The following LRP2 variants were observed in gnomAD, a reference collection of about 807,000 sequenced individuals.
The protein encoded by LRP2 is low-density lipoprotein receptor-related protein 2.
A neutral mutation model predicts 531.0 loss-of-function variants in LRP2; 172 were observed. That is an observed-to-expected ratio of 0.32 (90% confidence interval 0.29 to 0.37). LRP2 has a LOEUF of 0.37. Among genes scored for constraint, LRP2 ranks in the 10% least tolerant of loss-of-function variants. LRP2 has a pLI of 1.00. For missense variants in LRP2, 5,167 were observed against 5,868.3 expected, an observed-to-expected ratio of 0.88 and a Z score of 3.90; for synonymous variants, 1,992 against 2,027.6, an observed-to-expected ratio of 0.98 and a Z score of 0.47.
At chr2:169,321,411 A>G (rs1329308182) in intron 1 of LRP2, among the ~76,000 whole-genome samples, 3 of 151,988 alleles carry the variant, frequency 2.0e-5, no homozygotes, top group Non-Finnish European at 2.9e-5. Context: ...TTATAATTTA[A>G]TGTAACAAAA....
At chr2:169,237,433 A>G (rs1689646985) in intron 27 of LRP2, 146 bp from the exon 28 acceptor site, 3 of 653,386 alleles carry the variant, frequency 4.6e-6, no homozygotes, top group Non-Finnish European at 8.1e-6. Flanking sequence ...TCATGTAGCT[A>G]ACCACCAAAT....
rs773022483 is a variant in LRP2 at position 169,241,280 on chromosome 2, A to G, written c.3753T>C (p.Asp1251=). The G allele has an allele frequency of 8.7e-6, 14 of 1,614,084 alleles. No individual in the cohort carries two copies. The African/African-American group carries it at 1.2e-4, about 14-fold the overall frequency. ...ATCCATAGAGGCAGTCTGGATGCCC[A>G]TCACATTCCCAGAAGTTCGGGATGC... ...GICIPNFWEC[D]GHPDCLYGSD... Residue 1251 remains aspartate (D), a synonymous_variant, in exon 25 of 79, where the codon GAT becomes GAC. Coordinates refer to ENST00000649046, the MANE Select transcript of LRP2 (RefSeq NM_004525.3).
chr2:169,361,649 G>C (rs1686167991), intron 1 of LRP2, among the ~76,000 whole-genome samples: 2 of 152,204 alleles, frequency 1.3e-5, no homozygotes, highest in South Asian at 4.2e-4. Context: ...CCAAAACTCT[G>C]GCCATGCAGA....
chr2:169,273,851 C>T (rs1385091078), intron 14 of LRP2, among the ~76,000 whole-genome samples: 2 of 152,158 alleles, frequency 1.3e-5, no homozygotes, highest in Non-Finnish European at 2.9e-5. Flanking sequence ...TGAGTGATCA[C>T]ATTGATCATT....
Position 169,152,900 on chromosome 2 carries a change from G to T in LRP2, c.12360C>A (p.Ile4120=), listed in dbSNP as rs150906896. ...TATTGCGGCCGGATTCAAAGTTGGG[G>T]ATGTAGGCACGTTTGATAGCACCAA... ...SRFGAIKRAY[I]PNFESGRNNL... The change falls in exon 67 of 79, where the codon ATC becomes ATA. Residue 4120 remains isoleucine (I), a synonymous_variant. Coordinates refer to ENST00000649046, the MANE Select transcript of LRP2 (RefSeq NM_004525.3). 53 of 1,614,068 alleles carry T rather than the reference G, an allele frequency of 3.3e-5. No individual in the cohort carries two copies. In the Admixed American group the frequency reaches 6.5e-4, roughly 20 times the overall value.
intron 16 of LRP2, among the ~76,000 whole-genome samples, chr2:169,262,023 G>A (rs377607333): frequency 7.2e-5 from 11 of 151,754 alleles, no homozygotes; most frequent in Admixed American, 3.3e-4. Context: ...ATGCAGAAAA[G>A]GCCTTTGACA....
intron 54 of LRP2, 135 bp downstream of exon 54, chr2:169,176,276 G>T: frequency 2.2e-6 from 2 of 924,096 alleles, no homozygotes; most frequent in Admixed American, 2.0e-5. Flanking sequence ...TGAGAGTCTT[G>T]CTGTGTTCCA....
chr2:169,205,937 C>T, intron 40 of LRP2, 86 bp downstream of exon 40: 1 of 1,502,820 alleles, frequency 6.7e-7, no homozygotes, highest in South Asian at 1.1e-5. Context: ...GCCCATAACA[C>T]ATTGGCTATC....
At chr2:169,358,097 A>G (rs964861527) in intron 1 of LRP2, among the ~76,000 whole-genome samples, 2 of 152,174 alleles carry the variant, frequency 1.3e-5, no homozygotes, top group African/African-American at 4.8e-5. Context: ...AACCCATCCA[A>G]TTGTTTTTAA....
chr2:169,294,507 C>T (rs778763498), intron 5 of LRP2, 93 bp downstream of exon 5: 4 of 952,814 alleles, frequency 4.2e-6, no homozygotes, highest in South Asian at 4.0e-5. Context: ...ATTCACTGAA[C>T]CTGAACTTGG....
intron 44 of LRP2, among the ~76,000 whole-genome samples, chr2:169,200,681 G>T (rs957261076): frequency 6.6e-6 from 1 of 152,142 alleles, no homozygotes; most frequent in Admixed American, 6.5e-5. Flanking sequence ...AAATTGACAA[G>T]CAAAAGGTAT....
intron 1 of LRP2, among the ~76,000 whole-genome samples, chr2:169,346,949 A>G (rs1202792337): frequency 3.3e-5 from 5 of 152,242 alleles, no homozygotes; most frequent in African/African-American, 1.2e-4. Context: ...AGGCCTTCCT[A>G]ATAGATCACA....
chr2:169,193,468 AG>A (rs1687900774), intron 47 of LRP2, among the ~76,000 whole-genome samples: 1 of 150,844 alleles, frequency 6.6e-6, no homozygotes, highest in African/African-American at 2.4e-5. Context: ...AAAAAAGAAA[AG>A]GAGACAACCA....
chr2:169,175,471 C>A, intron 54 of LRP2, 82 bp from the exon 55 acceptor site: 4 of 1,320,126 alleles, frequency 3.0e-6, no homozygotes, highest in Non-Finnish European at 4.3e-6. Context: ...ACACTGAATT[C>A]CAAGAAATGA....
chr2:169,239,625 G>C lies in LRP2; in HGVS notation c.4196C>G (p.Ser1399Cys). ...EDIDECDILGSCSQHCYNMRG... is the reference protein window; with the variant it reads ...EDIDECDILGCCSQHCYNMRG... Reference sequence around the variant, plus strand: ...CATATTGTAACAGTGCTGGCTACAAGAGCCTAGAATATCACATTCATCTAT... The same window carrying C: ...CATATTGTAACAGTGCTGGCTACAACAGCCTAGAATATCACATTCATCTAT... The change falls in exon 26 of 79, where the codon TCT (serine) becomes TGT (cysteine). Residue 1399 changes from serine to cysteine, a missense_variant. By Grantham distance (112) the Ser-to-Cys change is moderately radical. Transcript: ENST00000649046. 1.2e-6 allele frequency: 2 copies of C among 1,614,068 alleles called. No individual in the cohort carries two copies. Among genetic ancestry groups the C allele is most frequent in the African/African-American group, 1.3e-5 (1 of 75,030 alleles).
intron 70 of LRP2, 92 bp downstream of exon 70, chr2:169,145,655 T>A: frequency 1.0e-5 from 13 of 1,254,916 alleles, no homozygotes; most frequent in Non-Finnish European, 1.5e-5. Context: ...TAGCTTGTTG[T>A]TATCTACTGC....
intron 1 of LRP2, among the ~76,000 whole-genome samples, chr2:169,352,798 C>T (rs989463333): frequency 1.6e-5 from 2 of 126,898 alleles, no homozygotes; most frequent in African/African-American, 5.5e-5. Context: ...GGGAGATGAA[C>T]AATGAGAACA....
At chr2:169,138,523 GTATT>G in intron 75 of LRP2, 50 bp downstream of exon 75, 1 of 1,592,494 alleles carries the variant, frequency 6.3e-7, no homozygotes, top group South Asian at 1.1e-5. Flanking sequence ...TTTATAAAAA[GTATT>G]TATTCTATAA....
At chr2:169,183,850 G>GA (rs1416221397) in intron 50 of LRP2, among the ~76,000 whole-genome samples, 1 of 152,142 alleles carries the variant, frequency 6.6e-6, no homozygotes, top group Non-Finnish European at 1.5e-5. Flanking sequence ...TAATATTGGA[G>GA]AAAAAAGTTG....
Sources: gnomAD v4.1 joint callset for allele counts (sites outside exome capture counted in the v4.1 genomes callset) on GRCh38, gnomAD v4.1.1 for gene constraint, MANE v1.5 for transcripts, NCBI Gene and HGNC (gene_info 2026-07-23, HGNC 2026-07-21) for gene names.